EGFR: variants seen among roughly 807,000 people sequenced by gnomAD.
The protein encoded by EGFR is avian erythroblastic leukemia viral (v-erb-b) oncogene homolog.
In EGFR, 58 loss-of-function variants were observed where a neutral mutation model predicts 143.0. The observed-to-expected ratio is 0.41, with a 90% CI of 0.33 to 0.50. The LOEUF (loss-of-function observed/expected upper bound fraction) is 0.50. Among genes scored for constraint, EGFR ranks in the 20% least tolerant of loss-of-function variants. EGFR has a pLI of 0.39. For missense variants in EGFR, 1,307 were observed against 1,579.0 expected, an observed-to-expected ratio of 0.83 and a Z score of 2.92; for synonymous variants, 613 against 594.4, an observed-to-expected ratio of 1.03 and a Z score of -0.45.
chr7:55,202,441 A>T (rs1007429107), intron 26 of EGFR, 76 bp from the exon 27 acceptor site: 6 of 1,241,132 alleles, frequency 4.8e-6, no homozygotes, highest in Non-Finnish European at 6.9e-6. Flanking sequence ...TCTCAAGGAG[A>T]TCTCGGGTGA....
intron 1 of EGFR, among the ~76,000 whole-genome samples, chr7:55,128,855 G>C (rs868232516): frequency 2.0e-5 from 3 of 152,068 alleles, no homozygotes; most frequent in Admixed American, 1.3e-4. Flanking sequence ...GCAATTTACC[G>C]TCAGGCCTAC....
chr7:55,185,627 A>C (rs999299446), intron 20 of EGFR, among the ~76,000 whole-genome samples: 1 of 152,340 alleles, frequency 6.6e-6, no homozygotes, highest in South Asian at 2.1e-4. Flanking sequence ...CACCTAATGC[A>C]GATTACAGTC....
intron 1 of EGFR, among the ~76,000 whole-genome samples, chr7:55,138,172 T>A (rs762396695): frequency 1.3e-5 from 2 of 152,222 alleles, no homozygotes; most frequent in African/African-American, 4.8e-5. Flanking sequence ...GCGGTACAAT[T>A]CTTTCAGCTT....
At chr7:55,043,641 G>A (rs1464877241) in intron 1 of EGFR, among the ~76,000 whole-genome samples, 2 of 152,136 alleles carry the variant, frequency 1.3e-5, no homozygotes, top group African/African-American at 4.8e-5. Flanking sequence ...CGGGATTACA[G>A]GTGTGAGCCA....
chr7:55,120,705 T>G (rs1793150145), intron 1 of EGFR, among the ~76,000 whole-genome samples: 1 of 152,310 alleles, frequency 6.6e-6, no homozygotes, highest in East Asian at 1.9e-4. Context: ...GTGAACAGAT[T>G]AGCTCTCCTG....
chr7:55,056,869 T>C (rs1222734271), intron 1 of EGFR, among the ~76,000 whole-genome samples: 1 of 152,224 alleles, frequency 6.6e-6, no homozygotes, highest in Non-Finnish European at 1.5e-5. Context: ...GAGGTAATGC[T>C]CTGCCCATGC....
chr7:55,192,353 G>A (rs760318306), intron 21 of EGFR, among the ~76,000 whole-genome samples: 1 of 152,128 alleles, frequency 6.6e-6, no homozygotes, highest in Admixed American at 6.5e-5. Context: ...GACCCTCACA[G>A]CACTAAGGGG....
chr7:55,074,606 A>G (rs927479532), intron 1 of EGFR, among the ~76,000 whole-genome samples: 4 of 152,226 alleles, frequency 2.6e-5, no homozygotes, highest in African/African-American at 9.6e-5. Flanking sequence ...TGCTCCCCAA[A>G]TACCTACTGT....
At chr7:55,086,613 C>T (rs542716825) in intron 1 of EGFR, among the ~76,000 whole-genome samples, 3 of 152,284 alleles carry the variant, frequency 2.0e-5, no homozygotes, top group African/African-American at 7.2e-5. Flanking sequence ...CCCAGTCACC[C>T]GGGTCTGGGG....
At chr7:55,201,030 G>C (rs1787822879) in intron 24 of EGFR, among the ~76,000 whole-genome samples, 158 bp from the exon 25 acceptor site, 1 of 152,096 alleles carries the variant, frequency 6.6e-6, no homozygotes, top group African/African-American at 2.4e-5. Context: ...ATGTCATGAG[G>C]GGAGGCAGCT....
chr7:55,097,465 C>T (rs1471382858), intron 1 of EGFR, among the ~76,000 whole-genome samples: 2 of 152,204 alleles, frequency 1.3e-5, no homozygotes, highest in South Asian at 2.1e-4. Context: ...AGTAAATCAT[C>T]GCACATTCAC....
intron 1 of EGFR, among the ~76,000 whole-genome samples, chr7:55,071,709 A>C (rs192418106): frequency 5.4e-4 from 83 of 152,392 alleles, no homozygotes; most frequent in African/African-American, 1.8e-3. Flanking sequence ...CTGCTTATAT[A>C]CTAATAATAT....
chr7:55,204,505 A>C (rs925161680), intron 27 of EGFR, among the ~76,000 whole-genome samples: 2 of 144,606 alleles, frequency 1.4e-5, no homozygotes, highest in African/African-American at 5.2e-5. Flanking sequence ...AACCCCACAC[A>C]CACACAAACA....
intron 1 of EGFR, among the ~76,000 whole-genome samples, chr7:55,108,018 T>C (rs1172969907): frequency 1.3e-5 from 2 of 152,252 alleles, no homozygotes; most frequent in East Asian, 1.9e-4. Flanking sequence ...AAATCTGTAT[T>C]TCCTCTTTAG....
At chr7:55,170,475 G>C (rs769151043) in intron 15 of EGFR, 1 of 1,614,050 alleles carries the variant, frequency 6.2e-7, no homozygotes, top group Admixed American at 1.7e-5. Flanking sequence ...AGCTGGGTTG[G>C]GGTGGATGCA....
chr7:55,035,225 T>C (rs1160686405), intron 1 of EGFR, among the ~76,000 whole-genome samples: 2 of 152,202 alleles, frequency 1.3e-5, no homozygotes, highest in Non-Finnish European at 2.9e-5. Context: ...CTGTTGTACA[T>C]TCCCTAGGTA....
At chr7:55,133,458 C>G (rs1220746344) in intron 1 of EGFR, among the ~76,000 whole-genome samples, 1 of 152,208 alleles carries the variant, frequency 6.6e-6, no homozygotes, top group Non-Finnish European at 1.5e-5. Flanking sequence ...ACAGGGCAGT[C>G]TTGACTTTGA....
At chr7:55,026,683 C>A (rs569660394) in intron 1 of EGFR, among the ~76,000 whole-genome samples, 1 of 152,284 alleles carries the variant, frequency 6.6e-6, no homozygotes, top group South Asian at 2.1e-4. Flanking sequence ...AACTTGCCTC[C>A]TCCCAGAGAT....
In EGFR at chr7:55,151,899, C is replaced by T. The variant is rs1392034314; in HGVS notation, c.628+537C>T. ...AAAACAACAACAACAACAACAACAA[C>T]AATAAGTGAACATCAGCAAGTACCC... On this transcript the variant is annotated intron_variant, in intron 5 of 27. Transcript: ENST00000275493. Among the ~76,000 whole-genome samples the T allele has an allele frequency of 4.1e-5, 6 of 145,928 alleles. No homozygotes were observed. The East Asian group carries it at 1.0e-3, about 24-fold the overall frequency.
Sources: gnomAD v4.1 joint callset for allele counts (sites outside exome capture counted in the v4.1 genomes callset) on GRCh38, gnomAD v4.1.1 for gene constraint, MANE v1.5 for transcripts, NCBI Gene and HGNC (gene_info 2026-07-23, HGNC 2026-07-21) for gene names.